Variants in BRME1 observed in about 807,000 individuals in gnomAD.
The protein encoded by BRME1 is BRCA2 and MEILB2-associating protein 1.
A neutral mutation model predicts 52.6 loss-of-function variants in BRME1; 31 were observed. The observed-to-expected ratio is 0.59, with a 90% CI of 0.44 to 0.80. BRME1 has a LOEUF of 0.80. BRME1 is among the 30% of genes least tolerant of loss of function. BRME1 has a pLI of 0.00. For missense variants in BRME1, 804 were observed against 860.3 expected (o/e 0.93, Z 0.82); for synonymous variants, 359 against 353.6 (o/e 1.02, Z -0.17).
At chr19:13,897,306 G>C (rs542647915) in intron 2 of BRME1, among the ~76,000 whole-genome samples, 70 of 152,128 alleles carry the variant, frequency 4.6e-4, no homozygotes, top group Non-Finnish European at 7.8e-4. Context: ...CAAAGTGCTG[G>C]GATTACAGAC....
chr19:13,892,601 AAAAAT>A (rs1288450204), intron 5 of BRME1, among the ~76,000 whole-genome samples, 180 bp downstream of exon 5: 1 of 152,158 alleles, frequency 6.6e-6, no homozygotes, highest in Admixed American at 6.6e-5. Flanking sequence ...AAAAAAGAAA[AAAAAT>A]AAAATAAAGA....
intron 2 of BRME1, among the ~76,000 whole-genome samples, chr19:13,903,671 T>TC (rs1970447074): frequency 8.8e-6 from 1 of 113,598 alleles, no homozygotes; most frequent in Non-Finnish European, 1.7e-5. Flanking sequence ...AGACTTGGTC[T>TC]CCAAAAAAAA....
intron 5 of BRME1, 123 bp downstream of exon 5, chr19:13,892,663 G>T (rs1042467458): frequency 8.9e-6 from 6 of 676,288 alleles, no homozygotes; most frequent in African/African-American, 1.8e-5. Context: ...TACTGAAAAC[G>T]GTGGGTGGAG....
At chr19:13,897,920 A>C (rs1473804944) in intron 2 of BRME1, among the ~76,000 whole-genome samples, 1 of 151,958 alleles carries the variant, frequency 6.6e-6, no homozygotes, top group Non-Finnish European at 1.5e-5. Flanking sequence ...GCAATATGGC[A>C]AAACCCCATC....
intron 2 of BRME1, among the ~76,000 whole-genome samples, chr19:13,899,854 T>C (rs1280814593): frequency 6.6e-6 from 1 of 152,004 alleles, no homozygotes; most frequent in African/African-American, 2.4e-5. Context: ...TACAAAAAAT[T>C]AGCCAGGTGT....
chr19:13,892,038 A>T (rs1004110442), intron 5 of BRME1, among the ~76,000 whole-genome samples: 1 of 150,136 alleles, frequency 6.7e-6, no homozygotes, highest in African/African-American at 2.5e-5. Flanking sequence ...ACACCACTGC[A>T]CTCCAACCTG....
chr19:13,902,261 AC>A (rs1202196644), intron 2 of BRME1, among the ~76,000 whole-genome samples: 1 of 151,318 alleles, frequency 6.6e-6, no homozygotes, highest in Non-Finnish European at 1.5e-5. Flanking sequence ...ATCGCTTGAA[AC>A]CAGGAGGCGG....
chr19:13,890,101 G>A lies in BRME1; in HGVS notation c.755C>T (p.Pro252Leu). 6.2e-7 allele frequency: 1 copy of A among 1,614,074 alleles called. No individual in the cohort carries two copies. The highest frequency in any genetic ancestry group is 8.5e-7 in the Non-Finnish European group (1 of 1,180,032). Reference sequence around the variant, plus strand: ...TGTCCTTTGGGCCCCTCCCTCCTGGGGGGCTCCTCTGTCTGGCTTCTCCCC... The same window carrying A: ...TGTCCTTTGGGCCCCTCCCTCCTGGAGGGCTCCTCTGTCTGGCTTCTCCCC... ...SEGEKPDRGA[P>L]QEGGAQRTAG... is the part of the protein sequence containing the mutation. The change falls in exon 6 of 9, where the codon CCC becomes CTC. Residue 252 changes from proline (P) to leucine (L), a missense_variant. Physicochemically the swap from Pro to Leu is moderately conservative, Grantham distance 98 (BLOSUM62 -3). This residue lies in a region of BRME1 where 552 missense variants were observed against 561.1 expected (regional missense o/e 0.98). Transcript: ENST00000586783.
intron 2 of BRME1, among the ~76,000 whole-genome samples, chr19:13,899,032 A>G (rs936424650): frequency 2.6e-5 from 4 of 151,940 alleles, no homozygotes; most frequent in African/African-American, 9.7e-5. Flanking sequence ...AACCTACTGA[A>G]TGAGTCTCTC....
intron 2 of BRME1, among the ~76,000 whole-genome samples, chr19:13,898,555 AGCCGT>A: frequency 6.6e-6 from 1 of 151,992 alleles, no homozygotes; most frequent in East Asian, 1.9e-4. Flanking sequence ...AGCTGCAGCA[AGCCGT>A]GATTGTGCCA....
intron 5 of BRME1, among the ~76,000 whole-genome samples, chr19:13,891,864 G>A (rs1194962132): frequency 6.6e-6 from 1 of 151,724 alleles, no homozygotes; most frequent in Non-Finnish European, 1.5e-5. Context: ...TTTGAAGTTG[G>A]GAGTTCGAGA....
intron 4 of BRME1, 62 bp downstream of exon 4, chr19:13,893,080 A>T: frequency 2.0e-6 from 3 of 1,488,450 alleles, no homozygotes; most frequent in East Asian, 4.8e-5. Context: ...GGAGACACAG[A>T]GCCGGAACTT....
rs1172136052 is a variant in BRME1, at chr19:13,882,446, GGAAA to G, written c.*352_*355del. ...ACAAAGGGAGCTCTCTTCTCCTCCA[GGAAA>G]GAAACAAATTCTGAACCATCCATAC... On this transcript the variant is annotated 3_prime_UTR_variant, in exon 9 of 9. Transcript: ENST00000586783. The G allele has an allele frequency of 2.4e-6, 1 of 413,778 alleles. No homozygotes were observed. Among genetic ancestry groups the G allele is most frequent in the East Asian group, 3.5e-5 (1 of 28,226 alleles). The allele number at this position is 413,778 out of a possible 1,614,324, so 25.6% of individuals were successfully genotyped here.
At chr19:13,899,052 C>T (rs1411968382) in intron 2 of BRME1, among the ~76,000 whole-genome samples, 4 of 151,994 alleles carry the variant, frequency 2.6e-5, no homozygotes, top group Non-Finnish European at 4.4e-5. Context: ...CTTTCCTCGA[C>T]GCCAATTGCT....
intron 2 of BRME1, among the ~76,000 whole-genome samples, chr19:13,898,923 C>CAAA (rs1159325305): frequency 2.7e-4 from 18 of 67,672 alleles, no homozygotes; most frequent in Non-Finnish European, 3.1e-4. Flanking sequence ...AACTCCATCT[C>CAAA]AAAAAAAAAA....
chr19:13,902,493 G>T (rs1341509388), intron 2 of BRME1, among the ~76,000 whole-genome samples: 5 of 151,794 alleles, frequency 3.3e-5, no homozygotes, highest in Admixed American at 2.6e-4. Context: ...AAAATTAGCT[G>T]GGCATGGTGG....
intron 1 of BRME1, among the ~76,000 whole-genome samples, chr19:13,905,384 T>C (rs1970621955): frequency 6.6e-6 from 1 of 151,902 alleles, no homozygotes; most frequent in Admixed American, 6.6e-5. Flanking sequence ...GACGCACACC[T>C]GTAATCCCAG....
At chr19:13,891,483 T>G (rs1400759453) in intron 5 of BRME1, among the ~76,000 whole-genome samples, 3 of 149,816 alleles carry the variant, frequency 2.0e-5, no homozygotes, top group Non-Finnish European at 3.0e-5. Context: ...TTTTCATAAT[T>G]TTGAGACAGG....
intron 2 of BRME1, among the ~76,000 whole-genome samples, chr19:13,897,040 CT>C (rs35686337): frequency 1.6e-3 from 207 of 133,288 alleles, no homozygotes; most frequent in Middle Eastern, 7.8e-3. Context: ...TACATCGAAA[CT>C]TTTTTTTTTT....
Sources: gnomAD v4.1 joint callset for allele counts (sites outside exome capture counted in the v4.1 genomes callset) on GRCh38, gnomAD v4.1.1 for gene constraint, gnomAD v4.1.1 regional missense constraint, MANE v1.5 for transcripts, NCBI Gene and HGNC (gene_info 2026-07-23, HGNC 2026-07-21) for gene names.